SPOCK3: variants seen among roughly 807,000 people sequenced by gnomAD.
SPOCK3 encodes testican-3.
SPOCK3 carries 30 observed loss-of-function variants against 56.6 expected under a neutral mutation model. The ratio of observed to expected loss-of-function variants is 0.53; its 90% CI spans 0.40 to 0.72. The LOEUF is 0.72. SPOCK3 is among the 30% of genes least tolerant of loss of function. The pLI is 0.00. For synonymous variants in SPOCK3, 196 were observed against 183.3 expected, an observed-to-expected ratio of 1.07 and a Z score of -0.56; for missense variants, 527 against 530.0, an observed-to-expected ratio of 0.99 and a Z score of 0.06.
chr4:166,953,041 A>G (rs1378510078), intron 4 of SPOCK3, among the ~76,000 whole-genome samples: 1 of 151,934 alleles, frequency 6.6e-6, no homozygotes, highest in Non-Finnish European at 1.5e-5. Flanking sequence ...CTTCATGTCT[A>G]AAAAACCAAA....
intron 3 of SPOCK3, among the ~76,000 whole-genome samples, chr4:167,026,795 T>A (rs1751733376): frequency 6.6e-6 from 1 of 151,736 alleles, no homozygotes; most frequent in South Asian, 2.1e-4. Flanking sequence ...TCGCATTGGT[T>A]GAAAAGTAAG....
intron 5 of SPOCK3, among the ~76,000 whole-genome samples, chr4:166,894,285 A>T (rs548839160): frequency 1.3e-5 from 2 of 152,222 alleles, no homozygotes; most frequent in African/African-American, 2.4e-5. Context: ...GGGAAAAAAA[A>T]TCTTGTGCCA....
intron 2 of SPOCK3, among the ~76,000 whole-genome samples, chr4:167,120,491 T>A (rs544561557): frequency 3.4e-4 from 52 of 152,136 alleles, no homozygotes; most frequent in African/African-American, 1.2e-3. Flanking sequence ...AAAGTAGTAA[T>A]GACTTGACAA....
At position 167,095,803 on chromosome 4, in the gene SPOCK3, T is replaced by A. The variant is rs987390319; in HGVS notation, c.190-33266A>T. ...TATATATGTGCACTTATGTGTATAATTATTTTAATAATTAATGACCTTCTA... is the reference window on the plus strand; with the variant it reads ...TATATATGTGCACTTATGTGTATAAATATTTTAATAATTAATGACCTTCTA... On this transcript the variant is annotated intron_variant, in intron 2 of 10. Transcript: ENST00000357545. Among the ~76,000 whole-genome samples, 16 of 151,786 alleles carry A rather than the reference T, an allele frequency of 1.1e-4. 1 individual carries two copies. Among genetic ancestry groups the A allele is most frequent in the Non-Finnish European group, 2.1e-4 (14 of 67,876 alleles).
intron 3 of SPOCK3, among the ~76,000 whole-genome samples, chr4:167,004,411 A>G (rs891418080): frequency 6.6e-6 from 1 of 152,214 alleles, no homozygotes; most frequent in African/African-American, 2.4e-5. Flanking sequence ...AAATGCTCAT[A>G]TCGCCTGTGA....
chr4:167,141,384 C>T (rs1463485175), intron 2 of SPOCK3, among the ~76,000 whole-genome samples: 1 of 152,004 alleles, frequency 6.6e-6, no homozygotes. Context: ...CTAGTTTATC[C>T]TAATCTCTAA....
chr4:166,858,105 G>A (rs899584935), intron 6 of SPOCK3, among the ~76,000 whole-genome samples: 7 of 152,152 alleles, frequency 4.6e-5, no homozygotes, highest in South Asian at 2.1e-4. Context: ...ACTTGGGTAT[G>A]AGCGATACTT....
intron 4 of SPOCK3, among the ~76,000 whole-genome samples, chr4:166,950,100 G>C (rs1045391663): frequency 8.6e-5 from 13 of 151,110 alleles, no homozygotes; most frequent in African/African-American, 3.2e-4. Context: ...AATTTTAAAT[G>C]TAAATGGACT....
At position 167,128,606 on chromosome 4, in the gene SPOCK3, G is replaced by T. The variant is rs577331702; in HGVS notation, c.190-66069C>A. On this transcript the variant is annotated intron_variant, in intron 2 of 10. Coordinates refer to ENST00000357545, the MANE Select transcript of SPOCK3 (RefSeq NM_001040159.2). ...GGGCCACATCTGAAGAAGAAGAATT[G>T]TCTTGGGCCACACATAAAATACACT... Among the ~76,000 whole-genome samples, 4 of 152,302 alleles carry T rather than the reference G, an allele frequency of 2.6e-5. No individual in the cohort carries two copies. In the South Asian group the frequency reaches 8.3e-4, roughly 32 times the overall value.
intron 4 of SPOCK3, among the ~76,000 whole-genome samples, chr4:166,926,726 T>C (rs1000282513): frequency 3.3e-5 from 5 of 152,168 alleles, no homozygotes; most frequent in Non-Finnish European, 7.3e-5. Context: ...AATAGGTATG[T>C]ATGGAATAAT....
intron 2 of SPOCK3, among the ~76,000 whole-genome samples, chr4:167,131,040 T>C (rs1762660111): frequency 6.6e-6 from 1 of 152,082 alleles, no homozygotes; most frequent in Admixed American, 6.6e-5. Flanking sequence ...ATAGACCTGA[T>C]ATTCTAAATG....
chr4:167,205,587 AAT>A (rs1734233050), intron 2 of SPOCK3, among the ~76,000 whole-genome samples: 2 of 91,050 alleles, frequency 2.2e-5, no homozygotes, highest in Non-Finnish European at 4.1e-5. Flanking sequence ...TATAATATAA[AAT>A]ATATTTTCTA....
At chr4:166,899,293 T>TCTATCTAA (rs1553997468) in intron 5 of SPOCK3, among the ~76,000 whole-genome samples, 25,011 of 138,944 alleles carry the variant, frequency 0.18, 2,845 homozygotes, top group East Asian at 0.23. Flanking sequence ...TATCTATCTA[T>TCTATCTAA]CTATCTATGT....
chr4:167,201,865 A>G (rs1055538488), intron 2 of SPOCK3, among the ~76,000 whole-genome samples: 1 of 151,846 alleles, frequency 6.6e-6, no homozygotes, highest in Non-Finnish European at 1.5e-5. Context: ...TCTAGAATAA[A>G]CCAAACTGAT....
At chr4:166,859,662 T>C (rs1009162192) in intron 6 of SPOCK3, among the ~76,000 whole-genome samples, 6 of 152,116 alleles carry the variant, frequency 3.9e-5, no homozygotes, top group African/African-American at 1.2e-4. Flanking sequence ...ATTATTATTA[T>C]GAATCAGATA....
chr4:166,782,807 G>A (rs930015344), intron 7 of SPOCK3, among the ~76,000 whole-genome samples: 1 of 152,072 alleles, frequency 6.6e-6, no homozygotes, highest in Non-Finnish European at 1.5e-5. Flanking sequence ...AAAGATTTAA[G>A]TGCAAAAAAT....
At chr4:167,177,583 T>C (rs901004624) in intron 2 of SPOCK3, among the ~76,000 whole-genome samples, 12 of 152,224 alleles carry the variant, frequency 7.9e-5, no homozygotes, top group African/African-American at 2.9e-4. Flanking sequence ...GAAGGCAGAC[T>C]GGACTGGGTA....
Position 167,008,443 on chromosome 4 carries a change from T to C in SPOCK3, c.236-7980A>G, listed in dbSNP as rs186342294. ...AAAATTGTAGCATAAAAGGCTATGG[T>C]AGAGGATTTGAATATGTAAGTCTTA... On this transcript the variant is annotated intron_variant, in intron 3 of 10. Transcript: ENST00000357545. Among the ~76,000 whole-genome samples the C allele has an allele frequency of 6.1e-3, 931 of 152,100 alleles. 5 individuals are homozygous for C. The highest frequency in any genetic ancestry group is 6.9e-3 in the Non-Finnish European group (470 of 67,964).
At chr4:166,754,436 A>T in intron 8 of SPOCK3, 72 bp downstream of exon 8, 1 of 1,538,612 alleles carries the variant, frequency 6.5e-7, no homozygotes. Flanking sequence ...GTACTGTTTT[A>T]TTTTCTTAAA....
Sources: allele counts gnomAD v4.1 joint callset (sites outside exome capture counted in the v4.1 genomes callset), GRCh38; gene constraint gnomAD v4.1.1; transcripts MANE v1.5; gene names NCBI Gene and HGNC (gene_info 2026-07-23, HGNC 2026-07-21).